AP3S2: variants seen among roughly 807,000 people sequenced by gnomAD.
AP3S2 encodes adaptor related protein complex 3 subunit sigma 2.
Under a neutral mutation model 23.4 loss-of-function variants are expected in AP3S2, and 22 were observed. The observed-to-expected ratio is 0.94, with a 90% CI of 0.67 to 1.34. The LOEUF (loss-of-function observed/expected upper bound fraction) is 1.34. Among genes scored for constraint, AP3S2 ranks in the 40% most tolerant of loss-of-function variants. The pLI is 0.00. For missense variants in AP3S2, 241 were observed against 236.9 expected, an observed-to-expected ratio of 1.02 and a Z score of -0.11; for synonymous variants, 86 against 87.1, an observed-to-expected ratio of 0.99 and a Z score of 0.07.
intron 3 of AP3S2, chr15:89,877,137 C>T: frequency 2.6e-6 from 1 of 385,536 alleles, no homozygotes. Flanking sequence ...AGATGTAGCT[C>T]ACTTGATGAA....
rs75378554 is a variant in AP3S2 at position 89,851,954 on chromosome 15, C to T, written c.346-14232G>A. 3.4e-4 allele frequency among the ~76,000 whole-genome samples: 52 copies of T among 152,282 alleles called. No homozygotes were observed. In the East Asian group the frequency reaches 9.3e-3, roughly 27 times the overall value. On this transcript the variant is annotated intron_variant, in intron 4 of 5. Transcript: ENST00000336418. ...ATCCAGACCTTGTCCTTTTGAATTT[C>T]ATCCTTCCTTGGTTGCTTATCTGCT...
intron 4 of AP3S2, among the ~76,000 whole-genome samples, chr15:89,868,015 C>A (rs1896188985): frequency 7.0e-6 from 1 of 142,002 alleles, no homozygotes. Flanking sequence ...GCCCGGCCAG[C>A]CGCCCCGTCC....
At chr15:89,864,608 TGGAG>T (rs1353919762) in intron 4 of AP3S2, among the ~76,000 whole-genome samples, 1 of 151,934 alleles carries the variant, frequency 6.6e-6, no homozygotes, top group African/African-American at 2.4e-5. Context: ...TCACCCAGGT[TGGAG>T]GGCAGTGGTG....
intron 4 of AP3S2, among the ~76,000 whole-genome samples, chr15:89,858,485 AAGAAAGAAAGAG>A (rs1161248452): frequency 6.3e-3 from 243 of 38,712 alleles, no homozygotes; most frequent in African/African-American, 0.013. Flanking sequence ...GAAAGAAAGA[AAGAAAGAAAGAG>A]AGAGAGAGAG....
intron 4 of AP3S2, among the ~76,000 whole-genome samples, chr15:89,858,045 C>G (rs1293484087): frequency 1.3e-5 from 2 of 152,146 alleles, no homozygotes; most frequent in African/African-American, 4.8e-5. Flanking sequence ...ATAAACCTTG[C>G]TCTCATAAGC....
chr15:89,858,483 GAA>G lies in AP3S2; in HGVS notation c.345+12990_345+12991del, dbSNP rs1278543629. 9.5e-3 allele frequency among the ~76,000 whole-genome samples: 385 copies of G among 40,660 alleles called. 1 individual carries two copies. Among genetic ancestry groups the G allele is most frequent in the African/African-American group, 0.024 (320 of 13,426 alleles). 26.7% of individuals were successfully genotyped at this position (40,660 alleles called of 152,430 possible). ...AGAAAGAAAGAAAGAAAGAAAGAAAGAAAGAAAGAAAGAGAGAGAGAGAGAGA... is the reference window on the plus strand; with the variant it reads ...AGAAAGAAAGAAAGAAAGAAAGAAAGAGAAAGAAAGAGAGAGAGAGAGAGA... On this transcript the variant is annotated intron_variant, in intron 4 of 5. Transcript: ENST00000336418.
chr15:89,887,235 C>T (rs919561455), intron 3 of AP3S2, among the ~76,000 whole-genome samples: 47 of 152,048 alleles, frequency 3.1e-4, no homozygotes, highest in Admixed American at 2.9e-3. Flanking sequence ...GTGAATACGA[C>T]GTATGAAATT....
rs978070480 is a variant in AP3S2 at position 89,832,603 on chromosome 15, C to A, written c.*2912G>T. The A allele has an allele frequency of 6.6e-6, 1 of 151,558 alleles. No homozygotes were observed. The highest frequency in any genetic ancestry group is 1.5e-5 in the Non-Finnish European group (1 of 68,012). The allele number at this position is 151,558 out of a possible 1,614,324, so 9.4% of individuals were successfully genotyped here. A position where few individuals can be genotyped will look rare whatever the true frequency, so the allele number is the denominator to read the frequency against. ...TCCCGGGTTCATGCCATTCTCCTGC[C>A]GCAGCCTCCTGAGTAGCTGGGACTA... On this transcript the variant is annotated 3_prime_UTR_variant, in exon 6 of 6. Coordinates refer to ENST00000336418, the MANE Select transcript of AP3S2 (RefSeq NM_005829.5).
In AP3S2 at chr15:89,882,278, AG is replaced by A. The variant is rs373285831; in HGVS notation, c.273+6242del. 6.2e-4 allele frequency among the ~76,000 whole-genome samples: 94 copies of A among 152,146 alleles called. No homozygotes were observed. In the South Asian group the frequency reaches 0.012, roughly 19 times the overall value. ...TCATATTAATTAAAAAAAGAAACAAAGTATCCAGTGTCTGTTATCCTAGGTG... is the reference window on the plus strand; with the variant it reads ...TCATATTAATTAAAAAAAGAAACAAATATCCAGTGTCTGTTATCCTAGGTG... On this transcript the variant is annotated intron_variant, in intron 3 of 5. Coordinates refer to ENST00000336418, the MANE Select transcript of AP3S2 (RefSeq NM_005829.5).
intron 4 of AP3S2, among the ~76,000 whole-genome samples, chr15:89,855,051 C>T (rs1427498014): frequency 7.2e-4 from 101 of 140,812 alleles, no homozygotes; most frequent in African/African-American, 2.4e-3. Flanking sequence ...TGAGAACGGG[C>T]CAGGATGACA....
At position 89,840,131 on chromosome 15, in the gene AP3S2, T is replaced by C. The variant is rs75049988; in HGVS notation, c.346-2409A>G. Among the ~76,000 whole-genome samples the C allele has an allele frequency of 8.6e-3, 1,314 of 152,246 alleles. 16 individuals are homozygous for C. Among genetic ancestry groups the C allele is most frequent in the African/African-American group, 0.03 (1,247 of 41,512 alleles). ...CAAGATGAAGAGCTCTGGAGACGGA[T>C]GGTGGTGGCGACTGCACAACAATGT... On this transcript the variant is annotated intron_variant, in intron 4 of 5. Transcript: ENST00000336418.
Position 89,893,946 on chromosome 15 carries a change from T to C in AP3S2, c.4A>G (p.Ile2Val). ...TTGTTGAAAACCAGAATCGCCTGAA[T>C]CATCTTTGCCAGCCACGGTTCTCTC... M[I>V]QAILVFNNHG... The change falls in exon 1 of 6, where the codon ATT becomes GTT. Residue 2 changes from isoleucine (I) to valine (V), a missense_variant. By Grantham distance (29) the Ile-to-Val change is conservative (BLOSUM62 3). Transcript: ENST00000336418. 1.9e-6 allele frequency: 3 copies of C among 1,551,486 alleles called. No individual in the cohort carries two copies. Among genetic ancestry groups the C allele is most frequent in the Non-Finnish European group, 2.6e-6 (3 of 1,146,968 alleles).
Position 89,877,371 on chromosome 15 carries a change from T to G in AP3S2, c.274-5825A>C, listed in dbSNP as rs887207492. 2.3e-6 allele frequency: 3 copies of G among 1,293,236 alleles called. No individual in the cohort carries two copies. In the African/African-American group the frequency reaches 4.5e-5, roughly 20 times the overall value. 80.1% of individuals were successfully genotyped at this position (1,293,236 alleles called of 1,614,324 possible). On this transcript the variant is annotated intron_variant, in intron 3 of 5. Transcript: ENST00000336418. ...CAGGTCCTTGTTCCCAAAGAGCTAG[T>G]GTTCCAGTTTGTAGGGTGTTGCACT... is the stretch of plus-strand genomic sequence containing the variant.
Position 89,858,305 on chromosome 15 carries a change from G to A in AP3S2, c.345+13170C>T, listed in dbSNP as rs181261968. 2.6e-5 allele frequency among the ~76,000 whole-genome samples: 4 copies of A among 152,086 alleles called. No homozygotes were observed. The East Asian group carries it at 7.7e-4, about 29-fold the overall frequency. ...AAAAATACAAAACTAGCCGGGTGTG[G>A]TGGCGCACGCCTATAATCCCAGCTA... is the stretch of plus-strand genomic sequence containing the variant. On this transcript the variant is annotated intron_variant, in intron 4 of 5. Transcript: ENST00000336418.
chr15:89,873,487 G>A (rs1313814993), intron 3 of AP3S2, among the ~76,000 whole-genome samples: 1 of 152,114 alleles, frequency 6.6e-6, no homozygotes, highest in African/African-American at 2.4e-5. Context: ...GTTTCACCAT[G>A]TTGGCCAGGC....
intron 4 of AP3S2, among the ~76,000 whole-genome samples, chr15:89,866,416 T>C (rs542656558): frequency 6.6e-6 from 1 of 151,740 alleles, no homozygotes; most frequent in Admixed American, 6.6e-5. Context: ...AGCTGTCTTC[T>C]CCAGGTGTGT....
At chr15:89,869,523 C>T (rs1438967404) in intron 4 of AP3S2, among the ~76,000 whole-genome samples, 3 of 141,506 alleles carry the variant, frequency 2.1e-5, no homozygotes, top group African/African-American at 7.8e-5. Flanking sequence ...TGTCCCATGA[C>T]CCTGCCAAAT....
intron 4 of AP3S2, among the ~76,000 whole-genome samples, chr15:89,856,305 G>C (rs543419668): frequency 6.6e-6 from 1 of 152,224 alleles, no homozygotes; most frequent in Non-Finnish European, 1.5e-5. Context: ...GCTCACGCCT[G>C]TAATCCTAGC....
intron 5 of AP3S2, among the ~76,000 whole-genome samples, chr15:89,836,164 T>A (rs1421515627): frequency 6.6e-6 from 1 of 152,108 alleles, no homozygotes; most frequent in Non-Finnish European, 1.5e-5. Flanking sequence ...TTAGATGGGG[T>A]TTGGCACAGG....
Sources: gnomAD v4.1 joint callset for allele counts (sites outside exome capture counted in the v4.1 genomes callset) on GRCh38, gnomAD v4.1.1 for gene constraint, MANE v1.5 for transcripts, NCBI Gene and HGNC (gene_info 2026-07-23, HGNC 2026-07-21) for gene names.